ZNF257: variants seen among roughly 807,000 people sequenced by gnomAD.
ZNF257 encodes bone marrow zinc finger 4.
A neutral mutation model predicts 11.9 loss-of-function variants in ZNF257; 12 were observed. The observed-to-expected ratio is 1.01, with a 90% CI of 0.65 to 1.63. The LOEUF is 1.63. ZNF257 is among the 40% of genes most tolerant of loss of function. ZNF257 has a pLI of 0.00. For missense variants in ZNF257, 580 were observed against 665.5 expected, an observed-to-expected ratio of 0.87 and a Z score of 1.41; for synonymous variants, 183 against 222.7, an observed-to-expected ratio of 0.82 and a Z score of 1.59.
Position 22,072,613 on chromosome 19 carries a change from G to A in ZNF257, c.4-196G>A, listed in dbSNP as rs1010024850. Among the ~76,000 whole-genome samples the A allele has an allele frequency of 9.9e-5, 15 of 151,958 alleles. 1 individual carries two copies. The highest frequency in any genetic ancestry group is 3.6e-4 in the African/African-American group (15 of 41,338). On this transcript the variant is annotated intron_variant, in intron 1 of 3. Transcript: ENST00000594947. Reference sequence around the variant, plus strand: ...TGGCTGCTTGGTAAATGTGTATGGGGGTGTGTTTTTTAGAGTCAGAGAATA... The same window carrying A: ...TGGCTGCTTGGTAAATGTGTATGGGAGTGTGTTTTTTAGAGTCAGAGAATA...
chr19:22,067,037 C>G (rs1017965793), intron 1 of ZNF257, among the ~76,000 whole-genome samples: 1 of 151,758 alleles, frequency 6.6e-6, no homozygotes, highest in African/African-American at 2.4e-5. Flanking sequence ...AGGTGCCAGC[C>G]AAGCTTTACT....
At position 22,064,747 on chromosome 19, in the gene ZNF257, C is replaced by T. The variant is rs2021895906; in HGVS notation, c.4-8062C>T. Among the ~76,000 whole-genome samples, 5 of 152,086 alleles carry T rather than the reference C, an allele frequency of 3.3e-5. No individual in the cohort carries two copies. The South Asian group carries it at 8.3e-4, about 25-fold the overall frequency. Reference sequence around the variant, plus strand: ...ATGTGTAGTGTTTGTAGGCAACCTGCGTTTATATACTTTAAAAACTATTTT... The same window carrying T: ...ATGTGTAGTGTTTGTAGGCAACCTGTGTTTATATACTTTAAAAACTATTTT... On this transcript the variant is annotated intron_variant, in intron 1 of 3. Transcript: ENST00000594947.
intron 3 of ZNF257, 50 bp downstream of exon 3, chr19:22,073,614 A>G (rs2022160320): frequency 1.3e-6 from 2 of 1,580,152 alleles, no homozygotes; most frequent in Admixed American, 1.8e-5. Context: ...TGAGAGATCC[A>G]CAGGTCAAGG....
At chr19:22,069,173 C>T (rs2022034805) in intron 1 of ZNF257, among the ~76,000 whole-genome samples, 1 of 152,084 alleles carries the variant, frequency 6.6e-6, no homozygotes, top group Non-Finnish European at 1.5e-5. Flanking sequence ...ATAGATGTAG[C>T]AGTCATGGTC....
rs544920363 is a variant in ZNF257, at chr19:22,055,019, G to A, written c.3+2384G>A. On this transcript the variant is annotated intron_variant, in intron 1 of 3. Transcript: ENST00000594947. Reference sequence around the variant, plus strand: ...CCAGGGCTGAGAGGAGTCTCCTGTTGTATTTCTTTTTCGAAGATATTAAGA... The same window carrying A: ...CCAGGGCTGAGAGGAGTCTCCTGTTATATTTCTTTTTCGAAGATATTAAGA... Among the ~76,000 whole-genome samples, 16 of 145,728 alleles carry A rather than the reference G, an allele frequency of 1.1e-4. No homozygotes were observed. The East Asian group carries it at 3.3e-3, about 30-fold the overall frequency.
intron 1 of ZNF257, among the ~76,000 whole-genome samples, chr19:22,061,321 T>C (rs1352123133): frequency 6.6e-6 from 1 of 152,224 alleles, no homozygotes; most frequent in Non-Finnish European, 1.5e-5. Flanking sequence ...TTGTTTTGTT[T>C]TGTTTTTTAT....
At chr19:22,069,194 A>G (rs2022035411) in intron 1 of ZNF257, among the ~76,000 whole-genome samples, 1 of 152,174 alleles carries the variant, frequency 6.6e-6, no homozygotes, top group Non-Finnish European at 1.5e-5. Context: ...CCTACCATCC[A>G]TGAACTTTTA....
At chr19:22,064,540 A>G (rs2021890797) in intron 1 of ZNF257, among the ~76,000 whole-genome samples, 1 of 152,206 alleles carries the variant, frequency 6.6e-6, no homozygotes, top group Non-Finnish European at 1.5e-5. Context: ...AGAATGATAA[A>G]GACTAAAAGA....
At chr19:22,058,272 AT>A (rs141989816) in intron 1 of ZNF257, among the ~76,000 whole-genome samples, 16 of 146,446 alleles carry the variant, frequency 1.1e-4, no homozygotes, top group Middle Eastern at 3.4e-3. Context: ...TTCCCCACCT[AT>A]TTTTTTTTTG....
intron 3 of ZNF257, among the ~76,000 whole-genome samples, chr19:22,087,245 G>T (rs982851117): frequency 6.6e-6 from 1 of 151,562 alleles, no homozygotes; most frequent in Non-Finnish European, 1.5e-5. Context: ...AAAAAAAAAG[G>T]CTACCTGTCA....
intron 1 of ZNF257, among the ~76,000 whole-genome samples, chr19:22,068,191 C>T (rs2022010358): frequency 7.0e-6 from 1 of 142,412 alleles, no homozygotes; most frequent in African/African-American, 2.6e-5. Flanking sequence ...TACAAATCCA[C>T]TTGTAACTGC....
At chr19:22,054,084 T>G (rs2021558764) in intron 1 of ZNF257, among the ~76,000 whole-genome samples, 1 of 151,526 alleles carries the variant, frequency 6.6e-6, no homozygotes, top group South Asian at 2.1e-4. Flanking sequence ...TCTTTTTTTT[T>G]TTTTTTAAGA....
chr19:22,090,333 A>G lies in ZNF257; in HGVS notation c.*891A>G, dbSNP rs889550766. 3 of 152,124 alleles carry G rather than the reference A, an allele frequency of 2.0e-5. No homozygotes were observed. Among genetic ancestry groups the G allele is most frequent in the African/African-American group, 4.8e-5 (2 of 41,422 alleles). 9.4% of individuals were successfully genotyped at this position (152,124 alleles called of 1,614,324 possible). A position where few individuals can be genotyped will look rare whatever the true frequency, so the allele number is the denominator to read the frequency against. ...ACAGATTTTATTGTACACATTTTGT[A>G]CTAGAGAATAACCCTGAAGCAGTTG... On this transcript the variant is annotated 3_prime_UTR_variant, in exon 4 of 4. Transcript: ENST00000594947.
At chr19:22,058,532 T>G (rs768011642) in intron 1 of ZNF257, among the ~76,000 whole-genome samples, 1 of 152,038 alleles carries the variant, frequency 6.6e-6, no homozygotes, top group Admixed American at 6.6e-5. Context: ...GCTGAATGGG[T>G]GGTGTCAGAA....
At chr19:22,063,047 G>A (rs949549191) in intron 1 of ZNF257, among the ~76,000 whole-genome samples, 3 of 152,040 alleles carry the variant, frequency 2.0e-5, no homozygotes, top group Non-Finnish European at 4.4e-5. Flanking sequence ...TCAGGGCTTC[G>A]TTTTCTTTTG....
chr19:22,088,934 C>T lies in ZNF257; in HGVS notation c.1184C>T (p.Thr395Ile), dbSNP rs745351564. The part of the protein sequence containing the change: ...SHLTKHKRIH[T>I]REKAYKCDEY... ...CTTACTAAACATAAGAGAATTCATA[C>T]TAGAGAGAAGGCCTACAAATGTGAT... The change falls in exon 4 of 4, where the codon ACT becomes ATT. Residue 395 changes from threonine to isoleucine, a missense_variant. Coordinates refer to ENST00000594947, the MANE Select transcript of ZNF257 (RefSeq NM_033468.4). 5 of 1,611,200 alleles carry T rather than the reference C, an allele frequency of 3.1e-6. No individual in the cohort carries two copies. The African/African-American group carries it at 6.7e-5, about 22-fold the overall frequency.
chr19:22,084,043 G>T (rs2022418162), intron 3 of ZNF257, among the ~76,000 whole-genome samples: 1 of 151,932 alleles, frequency 6.6e-6, no homozygotes, highest in South Asian at 2.1e-4. Flanking sequence ...GGGGGGCCAA[G>T]GCAGGAGAGT....
chr19:22,088,968 CA>C lies in ZNF257; in HGVS notation c.1221del (p.Ala408LeufsTer16). On this transcript the variant is annotated frameshift_variant, in exon 4 of 4. Coordinates refer to ENST00000594947, the MANE Select transcript of ZNF257 (RefSeq NM_033468.4). LOFTEE classifies it low-confidence loss of function (END_TRUNC). Reference protein sequence around the residue: ...EKAYKCDEYCKAFNWSSALTT... With the variant: ...EKAYKCDEYCXAFNWSSALTT... ...AGGCCTACAAATGTGATGAATATTG[CA>C]AAGCTTTTAACTGGTCCTCAGCTCT... 1 of 1,610,846 alleles carries C rather than the reference CA, an allele frequency of 6.2e-7. No homozygotes were observed. The highest frequency in any genetic ancestry group is 8.5e-7 in the Non-Finnish European group (1 of 1,179,228).
At chr19:22,077,055 T>A (rs1242942971) in intron 3 of ZNF257, among the ~76,000 whole-genome samples, 4 of 152,150 alleles carry the variant, frequency 2.6e-5, no homozygotes, top group Non-Finnish European at 5.9e-5. Context: ...GGCTCACATC[T>A]ATAATACCAG....
Sources: allele counts gnomAD v4.1 joint callset (sites outside exome capture counted in the v4.1 genomes callset), GRCh38; gene constraint gnomAD v4.1.1; transcripts MANE v1.5; gene names NCBI Gene and HGNC (gene_info 2026-07-23, HGNC 2026-07-21).